The following TTC34 variants were observed in gnomAD, a reference collection of about 807,000 sequenced individuals.
TTC34 encodes tetratricopeptide repeat protein 34.
A neutral mutation model predicts 40.7 loss-of-function variants in TTC34; 44 were observed. That is an observed-to-expected ratio of 1.08 (90% CI 0.85 to 1.39). TTC34 has a LOEUF of 1.39. TTC34 is among the 40% of genes most tolerant of loss of function. The pLI, the probability that TTC34 is intolerant of heterozygous loss-of-function variation, is 0.00. For missense variants in TTC34, 884 were observed against 838.0 expected (o/e 1.05, Z -0.68); for synonymous variants, 422 against 398.6 (o/e 1.06, Z -0.70).
chr1:2,758,421 G>A (rs1388840465), intron 6 of TTC34, among the ~76,000 whole-genome samples: 1 of 82,278 alleles, frequency 1.2e-5, no homozygotes, highest in South Asian at 5.0e-4. Flanking sequence ...TGACAGCCTG[G>A]AACAGCTCCC....
chr1:2,699,356 G>A (rs556944201), intron 6 of TTC34, among the ~76,000 whole-genome samples: 1 of 115,696 alleles, frequency 8.6e-6, no homozygotes, highest in South Asian at 2.7e-4. Context: ...TGACAGCCTG[G>A]AACAGCACCG....
intron 6 of TTC34, among the ~76,000 whole-genome samples, chr1:2,750,639 C>G (rs1186682293): frequency 1.5e-5 from 1 of 68,564 alleles, no homozygotes; most frequent in Non-Finnish European, 4.3e-5. Flanking sequence ...TGGAGCAGCA[C>G]CCACACCCCC....
chr1:2,699,510 G>A (rs1474440018), intron 6 of TTC34, among the ~76,000 whole-genome samples: 1 of 129,066 alleles, frequency 7.7e-6, no homozygotes, highest in Non-Finnish European at 1.7e-5. Context: ...GCGAGAATCT[G>A]ACAGCCTGGA....
At chr1:2,687,612 G>A (rs1449673536) in intron 6 of TTC34, among the ~76,000 whole-genome samples, 1 of 151,550 alleles carries the variant, frequency 6.6e-6, no homozygotes, top group African/African-American at 2.4e-5. Context: ...CACACCCCCA[G>A]GTGAGCAGCT....
At chr1:2,772,995 A>G (rs1642514442) in intron 6 of TTC34, among the ~76,000 whole-genome samples, 3 of 151,100 alleles carry the variant, frequency 2.0e-5, no homozygotes, top group East Asian at 2.0e-4. Flanking sequence ...CGAGCATCTG[A>G]CAGCCTGGAG....
chr1:2,775,805 C>A (rs1643096721), intron 6 of TTC34, among the ~76,000 whole-genome samples: 1 of 146,486 alleles, frequency 6.8e-6, no homozygotes, highest in African/African-American at 2.7e-5. Context: ...AGGTGAGCAT[C>A]TGACAGCCTG....
intron 6 of TTC34, among the ~76,000 whole-genome samples, chr1:2,698,147 A>C (rs61766479): frequency 0.024 from 130 of 5,506 alleles, no homozygotes; most frequent in Non-Finnish European, 0.036. Flanking sequence ...CATCTGACAG[A>C]CTGGAACAGC....
intron 6 of TTC34, among the ~76,000 whole-genome samples, chr1:2,781,578 A>T (rs1358355389): frequency 1.3e-5 from 2 of 152,212 alleles, no homozygotes; most frequent in Non-Finnish European, 2.9e-5. Flanking sequence ...GAAGTGCAAA[A>T]GCAATCATCC....
chr1:2,651,834 G>A (rs564743132), intron 6 of TTC34, among the ~76,000 whole-genome samples: 4 of 151,212 alleles, frequency 2.6e-5, no homozygotes, highest in South Asian at 4.2e-4. Context: ...AGCCTGGAAC[G>A]GTACCACCAA....
intron 6 of TTC34, among the ~76,000 whole-genome samples, chr1:2,781,320 TC>T (rs1205277962): frequency 6.6e-6 from 1 of 152,220 alleles, no homozygotes; most frequent in African/African-American, 2.4e-5. Flanking sequence ...TTTTCTTAAT[TC>T]CCTTTTTAGA....
At chr1:2,785,667 A>T (rs913234353) in intron 5 of TTC34, among the ~76,000 whole-genome samples, 152 bp downstream of exon 5, 3 of 152,158 alleles carry the variant, frequency 2.0e-5, no homozygotes, top group African/African-American at 7.2e-5. Flanking sequence ...GCCCTCAGCG[A>T]GTGGCCCTTG....
chr1:2,692,646 C>A (rs528501516), intron 6 of TTC34, among the ~76,000 whole-genome samples: 197 of 112,884 alleles, frequency 1.7e-3, no homozygotes, highest in South Asian at 4.6e-3. Flanking sequence ...CATCTGACAT[C>A]GTGGAGCAGC....
At chr1:2,778,623 G>T (rs1173416619) in intron 6 of TTC34, among the ~76,000 whole-genome samples, 1 of 152,184 alleles carries the variant, frequency 6.6e-6, no homozygotes, top group Non-Finnish European at 1.5e-5. Flanking sequence ...GGAGCTCTGT[G>T]GGGGGAGACA....
rs1553171534 is a variant in TTC34, at chr1:2,792,033, T to TTTTTTTTTTTTTTTTTTTTTTA, written c.785-1688_785-1687insTAAAAAAAAAAAAAAAAAAAAA. ...TTTTTTTTTTTTTTTTTTTTTTTTT[T>TTTTTTTTTTTTTTTTTTTTTTA]AAAGACAGGGTCTTGCTCCATCACC... On this transcript the variant is annotated intron_variant, in intron 2 of 8. Coordinates refer to ENST00000401095, the Ensembl canonical transcript of TTC34. 7.5e-5 allele frequency among the ~76,000 whole-genome samples: 8 copies of TTTTTTTTTTTTTTTTTTTTTTA among 107,166 alleles called. 1 individual carries two copies. The highest frequency in any genetic ancestry group is 5.8e-4 in the East Asian group (2 of 3,478). The allele number at this position is 107,166 out of a possible 152,430, so 70.3% of individuals were successfully genotyped here.
chr1:2,698,569 C>T (rs552242524), intron 6 of TTC34, among the ~76,000 whole-genome samples: 3 of 82,928 alleles, frequency 3.6e-5, no homozygotes, highest in Admixed American at 1.1e-4. Context: ...CACCCACACC[C>T]CCAGATGAGC....
At chr1:2,684,297 C>T (rs1165404984) in intron 6 of TTC34, among the ~76,000 whole-genome samples, 3 of 145,468 alleles carry the variant, frequency 2.1e-5, no homozygotes, top group East Asian at 2.0e-4. Flanking sequence ...CATATGACAG[C>T]CTGGGTCGGC....
exon 2 of TTC34, chr1:2,800,670 G>A (rs911862882): frequency 7.5e-6 from 3 of 398,434 alleles, no homozygotes; most frequent in African/African-American, 4.1e-5. Context: ...CGCCCCCCGA[G>A]CCTGGGCCAG....
chr1:2,756,638 C>A (rs1641514989), intron 6 of TTC34, among the ~76,000 whole-genome samples: 4 of 144,732 alleles, frequency 2.8e-5, no homozygotes, highest in Non-Finnish European at 1.5e-5. Context: ...CCCAGGTGAG[C>A]ATCTGACAGC....
At chr1:2,647,482 A>C (rs1023615208) in intron 6 of TTC34, among the ~76,000 whole-genome samples, 1 of 152,078 alleles carries the variant, frequency 6.6e-6, no homozygotes, top group African/African-American at 2.4e-5. Flanking sequence ...AAAAATACAA[A>C]ACTTAGCCAG....
Sources: allele counts gnomAD v4.1 joint callset (sites outside exome capture counted in the v4.1 genomes callset), GRCh38; gene constraint gnomAD v4.1.1; transcripts MANE v1.5; gene names NCBI Gene and HGNC (gene_info 2026-07-23, HGNC 2026-07-21).